The following TMEM200A variants were observed in gnomAD, a reference collection of about 807,000 sequenced individuals.
The protein encoded by TMEM200A is two transmembrane C.
TMEM200A carries 12 observed loss-of-function variants against 24.3 expected under a neutral mutation model. The ratio of observed to expected loss-of-function variants is 0.49; its 90% CI spans 0.32 to 0.80. The LOEUF is 0.80. TMEM200A is among the 30% of genes least tolerant of loss of function. TMEM200A has a pLI of 0.04. For synonymous variants in TMEM200A, 224 were observed against 224.4 expected (o/e 1.00, Z 0.02); for missense variants, 545 against 614.4 (o/e 0.89, Z 1.19).
chr6:130,413,364 C>G (rs1354482824), intron 2 of TMEM200A, among the ~76,000 whole-genome samples: 2 of 152,216 alleles, frequency 1.3e-5, no homozygotes, highest in African/African-American at 2.4e-5. Context: ...TAGCCAGTGT[C>G]TGTGTGACAT....
chr6:130,407,747 C>T (rs1779238307), intron 2 of TMEM200A, among the ~76,000 whole-genome samples: 1 of 152,128 alleles, frequency 6.6e-6, no homozygotes. Context: ...GCAAATCAGA[C>T]TACAAATAAC....
intron 2 of TMEM200A, among the ~76,000 whole-genome samples, chr6:130,436,071 GGAATCA>G (rs1780000355): frequency 6.6e-6 from 1 of 152,156 alleles, no homozygotes; most frequent in Non-Finnish European, 1.5e-5. Flanking sequence ...TATGGAAACA[GGAATCA>G]GAATAAGAAA....
At chr6:130,424,945 C>T (rs118021041) in intron 2 of TMEM200A, among the ~76,000 whole-genome samples, 2,780 of 152,234 alleles carry the variant, frequency 0.018, 23 homozygotes, top group Non-Finnish European at 0.027. Flanking sequence ...TTTCCTCCTC[C>T]TTTCTTTGAA....
At chr6:130,427,544 T>A (rs1779775140) in intron 2 of TMEM200A, among the ~76,000 whole-genome samples, 1 of 144,224 alleles carries the variant, frequency 6.9e-6, no homozygotes, top group African/African-American at 2.7e-5. Context: ...TTGAAAGAAT[T>A]CATAGAAGGG....
intron 2 of TMEM200A, among the ~76,000 whole-genome samples, chr6:130,396,854 GTACTGTTGGAGGCTTCTTC>G (rs577649454): frequency 3.8e-4 from 58 of 152,168 alleles, no homozygotes; most frequent in African/African-American, 1.4e-3. Flanking sequence ...AGTCCAGAAG[GTACTGTTGGAGGCTTCTTC>G]CCCCGGCATT....
chr6:130,367,772 T>C (rs1778220120), intron 1 of TMEM200A, among the ~76,000 whole-genome samples: 1 of 152,196 alleles, frequency 6.6e-6, no homozygotes, highest in Non-Finnish European at 1.5e-5. Flanking sequence ...CTTTGACAAT[T>C]TAACAGTATG....
At chr6:130,439,198 G>C (rs182172242) in intron 2 of TMEM200A, 1 of 152,292 alleles carries the variant, frequency 6.6e-6, no homozygotes, top group East Asian at 1.9e-4. Flanking sequence ...GATTAATCTT[G>C]ATTGTAAAGG....
intron 2 of TMEM200A, among the ~76,000 whole-genome samples, chr6:130,422,373 A>G (rs1309064994): frequency 2.0e-5 from 3 of 152,082 alleles, no homozygotes; most frequent in African/African-American, 7.2e-5. Flanking sequence ...GGTTCAAGTG[A>G]TTCTACTGCA....
chr6:130,417,308 T>A (rs1231534300), intron 2 of TMEM200A, among the ~76,000 whole-genome samples: 2 of 152,210 alleles, frequency 1.3e-5, no homozygotes, highest in Admixed American at 1.3e-4. Context: ...ACACTTTTGG[T>A]GTTGAATTAT....
At chr6:130,426,379 T>TTAAA (rs963922799) in intron 2 of TMEM200A, among the ~76,000 whole-genome samples, 1 of 149,816 alleles carries the variant, frequency 6.7e-6, no homozygotes, top group African/African-American at 2.5e-5. Flanking sequence ...GGCATGAAAA[T>TTAAA]TAAATAAAAT....
intron 2 of TMEM200A, among the ~76,000 whole-genome samples, chr6:130,414,073 A>G (rs982476831): frequency 3.9e-5 from 6 of 152,182 alleles, no homozygotes; most frequent in Non-Finnish European, 7.3e-5. Context: ...TAAGAAAACA[A>G]CAAAACCTGC....
At chr6:130,393,238 G>A (rs1778877765) in intron 2 of TMEM200A, among the ~76,000 whole-genome samples, 1 of 152,120 alleles carries the variant, frequency 6.6e-6, no homozygotes, top group African/African-American at 2.4e-5. Context: ...GAAGACCAAG[G>A]GATCTGGGTA....
chr6:130,411,609 C>A (rs752173868), intron 2 of TMEM200A, among the ~76,000 whole-genome samples: 1 of 152,136 alleles, frequency 6.6e-6, no homozygotes, highest in Non-Finnish European at 1.5e-5. Context: ...CTGCTTCAAT[C>A]TGGAATGTTT....
At chr6:130,384,255 G>A (rs1018021814) in intron 1 of TMEM200A, among the ~76,000 whole-genome samples, 4 of 152,192 alleles carry the variant, frequency 2.6e-5, no homozygotes, top group Non-Finnish European at 5.9e-5. Flanking sequence ...CATTTATCAT[G>A]TTACTGAAAT....
chr6:130,435,183 A>T (rs970918212), intron 2 of TMEM200A, among the ~76,000 whole-genome samples: 1 of 152,160 alleles, frequency 6.6e-6, no homozygotes, highest in Non-Finnish European at 1.5e-5. Flanking sequence ...CAAGGTCTTA[A>T]TGTGTTGCCC....
At chr6:130,401,391 T>C (rs73614166) in intron 2 of TMEM200A, among the ~76,000 whole-genome samples, 2,813 of 84,028 alleles carry the variant, frequency 0.033, 29 homozygotes, top group Middle Eastern at 0.038. Flanking sequence ...GCTTGCTTGC[T>C]TCTTTCTTTC....
chr6:130,391,663 A>G (rs1334118531), intron 2 of TMEM200A, among the ~76,000 whole-genome samples: 1 of 151,702 alleles, frequency 6.6e-6, no homozygotes, highest in Non-Finnish European at 1.5e-5. Context: ...AGGTCCAGAA[A>G]CAGAGACCCA....
At chr6:130,381,178 T>G (rs909073283) in intron 1 of TMEM200A, among the ~76,000 whole-genome samples, 59 of 152,154 alleles carry the variant, frequency 3.9e-4, no homozygotes, top group African/African-American at 1.4e-3. Context: ...ATAAGAAGCC[T>G]CCAGTCAGTC....
intron 2 of TMEM200A, among the ~76,000 whole-genome samples, chr6:130,413,582 C>T (rs905277215): frequency 4.6e-5 from 7 of 152,184 alleles, no homozygotes; most frequent in Non-Finnish European, 1.0e-4. Flanking sequence ...TGCGTCCTGT[C>T]TTCTGTTCCT....
Sources: allele counts gnomAD v4.1 joint callset (sites outside exome capture counted in the v4.1 genomes callset), GRCh38; gene constraint gnomAD v4.1.1; transcripts MANE v1.5; gene names NCBI Gene and HGNC (gene_info 2026-07-23, HGNC 2026-07-21).